The following SUCLG2 variants were observed in gnomAD, a reference collection of about 807,000 sequenced individuals.
SUCLG2 encodes the protein succinate--CoA ligase [GDP-forming] subunit beta, mitochondrial.
A neutral mutation model predicts 47.9 loss-of-function variants in SUCLG2; 42 were observed. The ratio of observed to expected loss-of-function variants is 0.88; its 90% CI spans 0.69 to 1.14. The LOEUF is 1.14. Ranked by LOEUF, SUCLG2 falls within the 50% of genes most tolerant of loss-of-function variation. The probability of loss-of-function intolerance (pLI) is 0.00; values close to 1 mark genes in which losing one functional copy is unlikely to be tolerated. For missense variants in SUCLG2, 571 were observed against 525.9 expected (o/e 1.09, Z -0.84); for synonymous variants, 195 against 197.3 (o/e 0.99, Z 0.10).
At chr3:67,566,372 G>GA (rs1376019258) in intron 2 of SUCLG2, among the ~76,000 whole-genome samples, 1 of 151,906 alleles carries the variant, frequency 6.6e-6, no homozygotes, top group African/African-American at 2.4e-5. Context: ...TTAAAATATG[G>GA]AAAAAATCTC....
intron 10 of SUCLG2, among the ~76,000 whole-genome samples, chr3:67,397,828 A>C (rs1041031307): frequency 1.2e-4 from 19 of 152,140 alleles, no homozygotes; most frequent in African/African-American, 4.1e-4. Context: ...AGAGATATAG[A>C]TCAATGCAAC....
chr3:67,567,247 T>A (rs568115025), intron 2 of SUCLG2, among the ~76,000 whole-genome samples: 3 of 151,318 alleles, frequency 2.0e-5, no homozygotes, highest in Admixed American at 2.0e-4. Context: ...CTTTTAAATA[T>A]AAAGTAATGC....
chr3:67,361,057 C>T (rs1320859607), intron 10 of SUCLG2, among the ~76,000 whole-genome samples: 1 of 151,984 alleles, frequency 6.6e-6, no homozygotes, highest in Non-Finnish European at 1.5e-5. Context: ...AGCAACCATG[C>T]ACAAAATTTT....
intron 2 of SUCLG2, among the ~76,000 whole-genome samples, chr3:67,568,881 C>T (rs920099363): frequency 6.0e-4 from 91 of 151,814 alleles, no homozygotes; most frequent in African/African-American, 2.1e-3. Flanking sequence ...AGCGAGACTC[C>T]GTCTCAAAAA....
chr3:67,615,161 G>A (rs1015287235), intron 1 of SUCLG2, among the ~76,000 whole-genome samples: 4 of 151,916 alleles, frequency 2.6e-5, no homozygotes, highest in African/African-American at 9.7e-5. Context: ...AATGAGGCAG[G>A]GGACAAAGAG....
chr3:67,446,455 G>T, intron 9 of SUCLG2, among the ~76,000 whole-genome samples: 1 of 105,882 alleles, frequency 9.4e-6, no homozygotes, highest in South Asian at 3.5e-4. Flanking sequence ...TTTTGAGATA[G>T]AGTCTCGCTC....
chr3:67,386,287 C>T (rs1308899169), intron 10 of SUCLG2, among the ~76,000 whole-genome samples: 5 of 149,812 alleles, frequency 3.3e-5, no homozygotes, highest in African/African-American at 9.9e-5. Flanking sequence ...TTAGTAGAGA[C>T]GGGGTTTCAC....
intron 9 of SUCLG2, among the ~76,000 whole-genome samples, chr3:67,442,583 G>T (rs1334541607): frequency 6.6e-6 from 1 of 152,130 alleles, no homozygotes; most frequent in East Asian, 1.9e-4. Flanking sequence ...CCTACTGATG[G>T]CTGAAAGTGT....
At chr3:67,585,076 T>C (rs527855205) in intron 2 of SUCLG2, among the ~76,000 whole-genome samples, 1 of 152,326 alleles carries the variant, frequency 6.6e-6, no homozygotes, top group South Asian at 2.1e-4. Context: ...AATACATAAC[T>C]TAATTAGCTT....
At chr3:67,592,733 A>AAT (rs1708194810) in intron 2 of SUCLG2, among the ~76,000 whole-genome samples, 2 of 124,530 alleles carry the variant, frequency 1.6e-5, no homozygotes, top group South Asian at 4.9e-4. Flanking sequence ...AAAAAAAAAA[A>AAT]AAACAACAAA....
intron 10 of SUCLG2, among the ~76,000 whole-genome samples, chr3:67,396,382 T>G (rs888632318): frequency 1.1e-4 from 17 of 152,174 alleles, no homozygotes; most frequent in South Asian, 4.1e-4. Context: ...CATCAGAGAA[T>G]ACTACAAACA....
chr3:67,424,843 T>C (rs1703258403), intron 9 of SUCLG2, among the ~76,000 whole-genome samples: 1 of 152,102 alleles, frequency 6.6e-6, no homozygotes, highest in African/African-American at 2.4e-5. Flanking sequence ...TTTGGCCCCA[T>C]TTTATCTGGC....
intron 2 of SUCLG2, among the ~76,000 whole-genome samples, chr3:67,576,888 T>C (rs530699422): frequency 1.3e-5 from 2 of 152,240 alleles, no homozygotes; most frequent in East Asian, 1.9e-4. Context: ...TCAAATAAAC[T>C]TCACTTGTCA....
intron 2 of SUCLG2, among the ~76,000 whole-genome samples, chr3:67,534,125 T>C (rs1706474426): frequency 6.6e-6 from 1 of 152,110 alleles, no homozygotes; most frequent in Non-Finnish European, 1.5e-5. Flanking sequence ...GATTTTATGA[T>C]ACAAATAGGA....
chr3:67,407,062 T>G (rs1702829118), intron 9 of SUCLG2, among the ~76,000 whole-genome samples: 1 of 152,086 alleles, frequency 6.6e-6, no homozygotes, highest in Non-Finnish European at 1.5e-5. Context: ...ATATTTTAGG[T>G]TTTTTGAGCC....
chr3:67,537,583 C>G (rs1036189002), intron 2 of SUCLG2, among the ~76,000 whole-genome samples: 1 of 152,108 alleles, frequency 6.6e-6, no homozygotes, highest in African/African-American at 2.4e-5. Flanking sequence ...GGGTATACGC[C>G]CAGTAATGGG....
intron 9 of SUCLG2, among the ~76,000 whole-genome samples, chr3:67,473,537 T>C (rs915527123): frequency 1.2e-4 from 18 of 152,290 alleles, no homozygotes; most frequent in African/African-American, 3.8e-4. Context: ...AAATCCCTTC[T>C]GTACCAACCT....
chr3:67,393,229 T>A (rs1702435529), intron 10 of SUCLG2, among the ~76,000 whole-genome samples: 1 of 152,224 alleles, frequency 6.6e-6, no homozygotes, highest in Admixed American at 6.5e-5. Flanking sequence ...ATTGCCTCAC[T>A]CGGGAAGTGC....
At chr3:67,376,151 G>T in intron 10 of SUCLG2, 1 of 968,636 alleles carries the variant, frequency 1.0e-6, no homozygotes, top group Non-Finnish European at 1.2e-6. Context: ...GATTTAATGC[G>T]GTTTTGGCCC....
Sources: allele counts gnomAD v4.1 joint callset (sites outside exome capture counted in the v4.1 genomes callset), GRCh38; gene constraint gnomAD v4.1.1; transcripts MANE v1.5; gene names NCBI Gene and HGNC (gene_info 2026-07-23, HGNC 2026-07-21).